ARHGEF38: variants seen among roughly 807,000 people sequenced by gnomAD.
ARHGEF38 encodes Rho guanine nucleotide exchange factor 38.
A neutral mutation model predicts 79.9 loss-of-function variants in ARHGEF38; 79 were observed. That is an observed-to-expected ratio of 0.99 (90% confidence interval 0.82 to 1.19). ARHGEF38 has a LOEUF of 1.19. ARHGEF38 is among the 50% of genes most tolerant of loss of function. The probability of loss-of-function intolerance (pLI) is 0.00; values close to 1 mark genes in which losing one functional copy is unlikely to be tolerated. For synonymous variants in ARHGEF38, 366 were observed against 328.3 expected (o/e 1.11, Z -1.24); for missense variants, 962 against 907.2 (o/e 1.06, Z -0.78).
intron 1 of ARHGEF38, among the ~76,000 whole-genome samples, chr4:105,562,447 C>A (rs1725681494): frequency 6.6e-6 from 1 of 152,136 alleles, no homozygotes; most frequent in African/African-American, 2.4e-5. Context: ...ACAATTCTGT[C>A]ATTTTCACTT....
At chr4:105,666,360 T>C in intron 11 of ARHGEF38, 40 bp downstream of exon 11, 1 of 1,474,572 alleles carries the variant, frequency 6.8e-7, no homozygotes, top group Non-Finnish European at 8.9e-7. Flanking sequence ...AACTTTCACC[T>C]CTTTGCCTTA....
chr4:105,563,634 T>A (rs975921298), intron 1 of ARHGEF38, among the ~76,000 whole-genome samples: 1 of 150,550 alleles, frequency 6.6e-6, no homozygotes, highest in African/African-American at 2.5e-5. Flanking sequence ...TCAGGGCTTT[T>A]TCAACCATCA....
chr4:105,623,866 C>T (rs1406490617), intron 3 of ARHGEF38, among the ~76,000 whole-genome samples: 3 of 152,164 alleles, frequency 2.0e-5, no homozygotes, highest in African/African-American at 7.2e-5. Context: ...CACTAGCACC[C>T]CCCAGTTTGT....
Position 105,620,878 on chromosome 4 carries a change from G to C in ARHGEF38, c.508+7371G>C, listed in dbSNP as rs73837077. 6.0e-3 allele frequency among the ~76,000 whole-genome samples: 913 copies of C among 152,306 alleles called. 7 individuals carry two copies. Among genetic ancestry groups the C allele is most frequent in the African/African-American group, 0.021 (871 of 41,552 alleles). ...TGGCCCTCTGATTCACTATTACAAT[G>C]TGGTGAAAATGACACTGTATCAGTA... is the stretch of plus-strand genomic sequence containing the variant. On this transcript the variant is annotated intron_variant, in intron 3 of 13. Coordinates refer to ENST00000420470, the MANE Select transcript of ARHGEF38 (RefSeq NM_001242729.2).
chr4:105,561,720 TA>T (rs1725640384), intron 1 of ARHGEF38: 1 of 152,054 alleles, frequency 6.6e-6, no homozygotes, highest in Non-Finnish European at 1.5e-5. Context: ...ACAAAAGACA[TA>T]CTAACAAAAG....
intron 3 of ARHGEF38, among the ~76,000 whole-genome samples, chr4:105,627,431 T>A (rs147241812): frequency 6.6e-6 from 1 of 152,090 alleles, no homozygotes; most frequent in Admixed American, 6.6e-5. Flanking sequence ...TTTATTCACA[T>A]CAGTAAAGGG....
intron 1 of ARHGEF38, among the ~76,000 whole-genome samples, chr4:105,568,354 G>A (rs530741822): frequency 6.6e-6 from 1 of 151,594 alleles, no homozygotes; most frequent in South Asian, 2.1e-4. Context: ...GTGCTGGAGA[G>A]GATGTGGAGA....
At chr4:105,663,837 G>A (rs1730651020) in intron 10 of ARHGEF38, among the ~76,000 whole-genome samples, 1 of 152,024 alleles carries the variant, frequency 6.6e-6, no homozygotes, top group African/African-American at 2.4e-5. Context: ...AGGTGTGGTG[G>A]CACATGCCTG....
intron 7 of ARHGEF38, among the ~76,000 whole-genome samples, chr4:105,651,204 A>G (rs1275730392): frequency 6.6e-6 from 1 of 152,236 alleles, no homozygotes; most frequent in Non-Finnish European, 1.5e-5. Context: ...CTGAAGGGAT[A>G]TTAATTAGAT....
intron 2 of ARHGEF38, among the ~76,000 whole-genome samples, chr4:105,590,247 G>A (rs559319887): frequency 1.2e-4 from 18 of 152,114 alleles, no homozygotes; most frequent in Non-Finnish European, 2.6e-4. Context: ...ACATTGAGCA[G>A]AGAACTGAAG....
intron 13 of ARHGEF38, among the ~76,000 whole-genome samples, chr4:105,674,000 T>G (rs570901107): frequency 6.6e-6 from 1 of 152,284 alleles, no homozygotes; most frequent in East Asian, 1.9e-4. Flanking sequence ...GAACAGAAGA[T>G]TAACATATAT....
At chr4:105,641,685 C>T (rs1482737722) in intron 5 of ARHGEF38, among the ~76,000 whole-genome samples, 1 of 151,814 alleles carries the variant, frequency 6.6e-6, no homozygotes, top group African/African-American at 2.4e-5. Context: ...TTTTTTCCTT[C>T]CCATTAAGAA....
At chr4:105,575,444 G>C (rs1362269995) in intron 1 of ARHGEF38, among the ~76,000 whole-genome samples, 1 of 152,036 alleles carries the variant, frequency 6.6e-6, no homozygotes, top group South Asian at 2.1e-4. Flanking sequence ...TGGGTCATTT[G>C]TATATCTTCT....
At chr4:105,616,891 T>C (rs765596523) in intron 3 of ARHGEF38, among the ~76,000 whole-genome samples, 21 of 152,214 alleles carry the variant, frequency 1.4e-4, no homozygotes, top group African/African-American at 3.1e-4. Context: ...GTGTTTACAT[T>C]TCACTGCATG....
At chr4:105,589,536 C>G in intron 2 of ARHGEF38, 101 bp downstream of exon 2, 1 of 1,037,142 alleles carries the variant, frequency 9.6e-7, no homozygotes, top group Non-Finnish European at 1.4e-6. Context: ...GGATGATGTG[C>G]CTTTCTCCCC....
At chr4:105,561,455 GAATAGAATA>G (rs1725571323) in intron 1 of ARHGEF38, 39 of 64,216 alleles carry the variant, frequency 6.1e-4, no homozygotes, top group Admixed American at 8.2e-4. Flanking sequence ...GAATGGAATA[GAATAGAATA>G]GAATAGAATA....
At chr4:105,567,451 T>C (rs1272148891) in intron 1 of ARHGEF38, among the ~76,000 whole-genome samples, 1 of 152,230 alleles carries the variant, frequency 6.6e-6, no homozygotes, top group African/African-American at 2.4e-5. Context: ...TTTCATTAAT[T>C]ATGTAAGTTT....
chr4:105,568,117 A>AT (rs1281443287), intron 1 of ARHGEF38, among the ~76,000 whole-genome samples: 1 of 151,524 alleles, frequency 6.6e-6, no homozygotes. Context: ...CGAACTCATC[A>AT]TTTTTTATGG....
intron 1 of ARHGEF38, among the ~76,000 whole-genome samples, chr4:105,557,571 G>T (rs769420279): frequency 6.8e-6 from 1 of 146,482 alleles, no homozygotes; most frequent in Non-Finnish European, 1.5e-5. Flanking sequence ...TGAGGGTGAA[G>T]CTTTGGTGAA....
Sources: allele counts gnomAD v4.1 joint callset (sites outside exome capture counted in the v4.1 genomes callset), GRCh38; gene constraint gnomAD v4.1.1; transcripts MANE v1.5; gene names NCBI Gene and HGNC (gene_info 2026-07-23, HGNC 2026-07-21).